PLAT: variants seen among roughly 807,000 people sequenced by gnomAD.
PLAT encodes the protein tissue-type plasminogen activator.
A neutral mutation model predicts 74.9 loss-of-function variants in PLAT; 48 were observed. The observed-to-expected ratio is 0.64, with a 90% CI of 0.51 to 0.82. The LOEUF is 0.82. Among genes scored for constraint, PLAT ranks in the 40% least tolerant of loss-of-function variants. PLAT has a pLI of 0.00. For synonymous variants in PLAT, 307 were observed against 294.4 expected (o/e 1.04, Z -0.44); for missense variants, 673 against 736.2 (o/e 0.91, Z 0.99).
intron 9 of PLAT, among the ~76,000 whole-genome samples, chr8:42,181,153 G>A (rs1202734582): frequency 2.0e-5 from 3 of 152,220 alleles, no homozygotes; most frequent in Non-Finnish European, 4.4e-5. Context: ...ACGGACCACT[G>A]AGGACTCACA....
At chr8:42,201,340 A>G (rs981720189) in intron 1 of PLAT, among the ~76,000 whole-genome samples, 1 of 152,252 alleles carries the variant, frequency 6.6e-6, no homozygotes, top group South Asian at 2.1e-4. Flanking sequence ...GAAAAGAAGC[A>G]GGAAAGTCCT....
intron 1 of PLAT, among the ~76,000 whole-genome samples, chr8:42,196,346 C>T (rs1434297516): frequency 2.6e-5 from 4 of 152,222 alleles, no homozygotes; most frequent in African/African-American, 9.6e-5. Flanking sequence ...GACCTTCCTG[C>T]GCCTTGAGCT....
Position 42,179,907 on chromosome 8 carries a change from G to A in PLAT, c.1363+19C>T, listed in dbSNP as rs1257193900. The A allele has an allele frequency of 8.3e-6, 13 of 1,562,836 alleles. No individual in the cohort carries two copies. Among genetic ancestry groups the A allele is most frequent in the South Asian group, 7.1e-5 (6 of 84,264 alleles). ...GCTGTCCCGCAGACAGGATGGGGCCGAGACTTCCTTCCACTTACAGGCCTC... is the reference window on the plus strand; with the variant it reads ...GCTGTCCCGCAGACAGGATGGGGCCAAGACTTCCTTCCACTTACAGGCCTC... On this transcript the variant is annotated intron_variant, in intron 12 of 13. Transcript: ENST00000220809.
intron 1 of PLAT, among the ~76,000 whole-genome samples, chr8:42,197,736 C>T (rs1403476968): frequency 6.6e-6 from 1 of 152,154 alleles, no homozygotes; most frequent in African/African-American, 2.4e-5. Context: ...CCTCTACCGG[C>T]CCCATCTTCC....
chr8:42,181,841 G>T, intron 9 of PLAT, 96 bp downstream of exon 9: 1 of 552,442 alleles, frequency 1.8e-6, no homozygotes, highest in Non-Finnish European at 3.3e-6. Context: ...TAGGCACACA[G>T]TCTGCACCAG....
intron 9 of PLAT, 23 bp from the exon 10 acceptor site, chr8:42,180,708 G>T: frequency 6.5e-7 from 1 of 1,540,718 alleles, no homozygotes; most frequent in East Asian, 2.3e-5. Context: ...GGACGAGGAG[G>T]CAGTCAGTCC....
intron 1 of PLAT, among the ~76,000 whole-genome samples, chr8:42,201,950 G>T (rs1044659257): frequency 4.6e-5 from 7 of 152,206 alleles, no homozygotes; most frequent in African/African-American, 1.4e-4. Context: ...AATACAACGG[G>T]TTTCTCTTTT....
Position 42,187,972 on chromosome 8 carries a change from C to T in PLAT, c.298G>A (p.Ala100Thr). ...CACACGAAATCTGAGAAGTACAGGG[C>T]CTGCTGGCAGGTGCCCCCGTTGAAA... is the stretch of plus-strand genomic sequence containing the variant. ...RCFNGGTCQQ[A>T]LYFSDFVCQC... The change falls in exon 5 of 14, where the codon GCC becomes ACC. Residue 100 changes from alanine to threonine, a missense_variant. By Grantham distance (58) the Ala-to-Thr change is moderately conservative. Coordinates refer to ENST00000220809, the MANE Select transcript of PLAT (RefSeq NM_000930.5). 6.2e-7 allele frequency: 1 copy of T among 1,613,930 alleles called. No individual in the cohort carries two copies. The highest frequency in any genetic ancestry group is 8.5e-7 in the Non-Finnish European group (1 of 1,179,830).
Position 42,191,372 on chromosome 8 carries a change from C to T in PLAT, c.115G>A (p.Val39Met). ...CATGCACCCCTCAGCTTCACCCGACCTTGGTAAGATCTGGCTCCTCTTCTG... is the reference window on the plus strand; with the variant it reads ...CATGCACCCCTCAGCTTCACCCGACTTTGGTAAGATCTGGCTCCTCTTCTG... Reference protein sequence around the residue: ...RFRRGARSYQVICRDEKTQMI... With the variant: ...RFRRGARSYQMICRDEKTQMI... Residue 39 changes from valine (V) to methionine (M), a missense_variant and splice_region_variant, in exon 3 of 14, where the codon GTG (valine) becomes ATG (methionine). By Grantham distance (21) the Val-to-Met change is conservative. Transcript: ENST00000220809. 1 of 1,614,056 alleles carries T rather than the reference C, an allele frequency of 6.2e-7. No homozygotes were observed. The highest frequency in any genetic ancestry group is 8.5e-7 in the Non-Finnish European group (1 of 1,179,886).
rs1450445524 is a variant in PLAT, at chr8:42,188,016, C to A, written c.254G>T (p.Ser85Ile). 7 of 1,598,860 alleles carry A rather than the reference C, an allele frequency of 4.4e-6. No homozygotes were observed. Among genetic ancestry groups the A allele is most frequent in the Non-Finnish European group, 5.1e-6 (6 of 1,166,678 alleles). The part of the protein sequence containing the change: ...RAQCHSVPVK[S>I]CSEPRCFNGG... ...GTTGAAACACCTTGGCTCGCTGCAA[C>A]CTGTCAAGTATAAAAAAGGAAGCCC... is the stretch of plus-strand genomic sequence containing the variant. The change falls in exon 5 of 14, where the codon AGT becomes ATT. Residue 85 changes from serine to isoleucine, a missense_variant and splice_region_variant. Coordinates refer to ENST00000220809, the MANE Select transcript of PLAT (RefSeq NM_000930.5).
chr8:42,187,031 A>ATCC, intron 6 of PLAT: 1 of 148,030 alleles, frequency 6.8e-6, no homozygotes, highest in Non-Finnish European at 1.4e-5. Flanking sequence ...ATCATCTATC[A>ATCC]TCTATCCATC....
intron 7 of PLAT, chr8:42,184,696 T>TTG (rs1805382726): frequency 1.5e-5 from 2 of 131,258 alleles, no homozygotes; most frequent in Non-Finnish European, 3.0e-5. Flanking sequence ...TCTTGGAAGT[T>TTG]TTTTTTTTTT....
At chr8:42,204,525 G>A (rs1431339863) in intron 1 of PLAT, among the ~76,000 whole-genome samples, 1 of 152,056 alleles carries the variant, frequency 6.6e-6, no homozygotes, top group Non-Finnish European at 1.5e-5. Flanking sequence ...GATCACTTGA[G>A]GTCAGGTGTT....
chr8:42,203,533 G>A (rs552130359), intron 1 of PLAT, among the ~76,000 whole-genome samples: 3 of 152,320 alleles, frequency 2.0e-5, no homozygotes, highest in African/African-American at 7.2e-5. Context: ...CCCAGCACCT[G>A]TTTCATCTTC....
intron 13 of PLAT, among the ~76,000 whole-genome samples, chr8:42,178,028 C>T (rs1483560362): frequency 6.6e-6 from 1 of 152,218 alleles, no homozygotes. Context: ...CTGGCCTGTC[C>T]TCCCATACCC....
chr8:42,181,801 G>T, intron 9 of PLAT, 136 bp downstream of exon 9: 1 of 297,712 alleles, frequency 3.4e-6, no homozygotes, highest in Non-Finnish European at 6.6e-6. Context: ...AGTCATGGAA[G>T]CCCCCTCCCC....
At chr8:42,178,424 C>T (rs1466314231) in intron 13 of PLAT, among the ~76,000 whole-genome samples, 1 of 152,154 alleles carries the variant, frequency 6.6e-6, no homozygotes, top group Non-Finnish European at 1.5e-5. Context: ...GCATGTGCCA[C>T]CATGCCAGGC....
chr8:42,200,478 C>A (rs1382573705), intron 1 of PLAT, among the ~76,000 whole-genome samples: 1 of 151,652 alleles, frequency 6.6e-6, no homozygotes, highest in Non-Finnish European at 1.5e-5. Flanking sequence ...AGTTTGAGAC[C>A]TCCCTGGGTA....
At chr8:42,187,602 C>T (rs1206627649) in intron 5 of PLAT, 30 bp from the exon 6 acceptor site, 1 of 1,552,224 alleles carries the variant, frequency 6.4e-7, no homozygotes, top group Non-Finnish European at 8.8e-7. Flanking sequence ...GGATGCCTCA[C>T]ATGGGAGTCC....
Sources: allele counts gnomAD v4.1 joint callset (sites outside exome capture counted in the v4.1 genomes callset), GRCh38; gene constraint gnomAD v4.1.1; transcripts MANE v1.5; gene names NCBI Gene and HGNC (gene_info 2026-07-23, HGNC 2026-07-21).